The following URB1 variants were observed in gnomAD, a reference collection of about 807,000 sequenced individuals.
URB1 encodes the protein nucleolar pre-ribosomal-associated protein 1.
Under a neutral mutation model 242.3 loss-of-function variants are expected in URB1, and 197 were observed. The ratio of observed to expected loss-of-function variants is 0.81; its 90% CI spans 0.72 to 0.91. URB1 has a LOEUF of 0.91. URB1 is among the 40% of genes least tolerant of loss of function. The pLI is 0.00. For missense variants in URB1, 2,721 were observed against 2,860.5 expected (o/e 0.95, Z 1.11); for synonymous variants, 1,153 against 1,201.8 (o/e 0.96, Z 0.84).
In URB1 at chr21:32,373,667, C is replaced by T. The variant is rs751949591; in HGVS notation, c.856G>A (p.Val286Met). 3 of 1,539,810 alleles carry T rather than the reference C, an allele frequency of 1.9e-6. No homozygotes were observed. The highest frequency in any genetic ancestry group is 2.5e-5 in the South Asian group (2 of 81,234). The change falls in exon 7 of 39, where the codon GTG (valine) becomes ATG (methionine). Residue 286 changes from valine (V) to methionine (M), a missense_variant. Physicochemically the swap from Val to Met is conservative, Grantham distance 21. Transcript: ENST00000382751. ...SLYNWNGITDVNPENVKVSAE... is the reference protein window; with the variant it reads ...SLYNWNGITDMNPENVKVSAE... Reference sequence around the variant, plus strand: ...TGCACCTTGACATTTTCTGGGTTCACATCGGTAATCCCATTCCAGTTGTAC... The same window carrying T: ...TGCACCTTGACATTTTCTGGGTTCATATCGGTAATCCCATTCCAGTTGTAC...
chr21:32,354,886 T>C lies in URB1; in HGVS notation c.2218A>G (p.Met740Val), dbSNP rs2033201521. ...TCAATGTGGGAGATGGGAATGCTCA[T>C]GTCATCGGCTTCTTGCTTCGTCATA... ...ATMTKQEADD[M>V]SIPISHIDDV... The change falls in exon 17 of 39, where the codon ATG becomes GTG. Residue 740 changes from methionine (M) to valine (V), a missense_variant. Transcript: ENST00000382751. The C allele has an allele frequency of 6.4e-7, 1 of 1,552,306 alleles. No homozygotes were observed. The highest frequency in any genetic ancestry group is 8.7e-7 in the Non-Finnish European group (1 of 1,147,162).
At chr21:32,323,660 CACTT>C (rs1486829112) in intron 32 of URB1, among the ~76,000 whole-genome samples, 1 of 152,156 alleles carries the variant, frequency 6.6e-6, no homozygotes, top group East Asian at 1.9e-4. Flanking sequence ...CTGTGCCAGG[CACTT>C]ACATGTGTGT....
intron 28 of URB1, among the ~76,000 whole-genome samples, chr21:32,334,605 A>G (rs1200647980): frequency 1.3e-5 from 2 of 152,142 alleles, no homozygotes; most frequent in East Asian, 3.9e-4. Flanking sequence ...ATGTAGATCA[A>G]TTCACTCAAT....
chr21:32,366,625 G>C lies in URB1; in HGVS notation c.1328C>G (p.Ala443Gly). ...GCAACCACATGGCCTTACGTTTAAT[G>C]CTTGGGTGAACATGCTCTTATTGCA... is the stretch of plus-strand genomic sequence containing the variant. The part of the protein sequence containing the change: ...LVCNKSMFTQ[A>G]LNLDSTSVRH... The change falls in exon 10 of 39, where the codon GCA becomes GGA. Residue 443 changes from alanine (A) to glycine (G), a missense_variant. Coordinates refer to ENST00000382751, the MANE Select transcript of URB1 (RefSeq NM_014825.3). 4 of 1,551,448 alleles carry C rather than the reference G, an allele frequency of 2.6e-6. No homozygotes were observed. Among genetic ancestry groups the C allele is most frequent in the African/African-American group, 1.4e-5 (1 of 73,152 alleles).
In URB1 at chr21:32,312,437, C is replaced by A. The variant is rs2032604725; in HGVS notation, c.*2481G>T. On this transcript the variant is annotated 3_prime_UTR_variant, in exon 39 of 39. Coordinates refer to ENST00000382751, the MANE Select transcript of URB1 (RefSeq NM_014825.3). ...CTCCACTAACACCCGCCGGCTCCCC[C>A]AGATGTGATGGCATCTGCCCTGCCA... The A allele has an allele frequency of 1.1e-5, 7 of 652,186 alleles. No homozygotes were observed. The highest frequency in any genetic ancestry group is 6.6e-4 in the Middle Eastern group (1 of 1,512). 40.4% of individuals were successfully genotyped at this position (652,186 alleles called of 1,614,324 possible).
At chr21:32,379,902 C>T (rs1204966236) in intron 4 of URB1, among the ~76,000 whole-genome samples, 1 of 151,786 alleles carries the variant, frequency 6.6e-6, no homozygotes, top group African/African-American at 2.4e-5. Context: ...AGACTTAAGC[C>T]CGGGAGGCAG....
In URB1 at chr21:32,363,322, C is replaced by T. The variant is rs1211257224; in HGVS notation, c.1343G>A (p.Ser448Asn). ...TAAGGCTGTGTGCCTCACTGAGGTG[C>T]TGTCCAACTGGGAAGAAAAAGAGTT... is the stretch of plus-strand genomic sequence containing the variant. ...SMFTQALNLD[S>N]TSVRHTALSL... The change falls in exon 11 of 39, where the codon AGC becomes AAC. Residue 448 changes from serine to asparagine, a missense_variant. Physicochemically the swap from Ser to Asn is conservative, Grantham distance 46. Coordinates refer to ENST00000382751, the MANE Select transcript of URB1 (RefSeq NM_014825.3). The T allele has an allele frequency of 1.0e-5, 16 of 1,551,048 alleles. No individual in the cohort carries two copies. Among genetic ancestry groups the T allele is most frequent in the Middle Eastern group, 1.7e-4 (1 of 6,014 alleles).
At position 32,347,703 on chromosome 21, in the gene URB1, C is replaced by T. The variant is rs1011666507; in HGVS notation, c.3121G>A (p.Val1041Met). The stretch of plus-strand genomic sequence containing the variant: ...CTAAAGTGGGTGGCCAGGAGCTTCA[C>T]GAGGACAGGGCTGAGCGTGTGCGGC... ...LPPHTLSPVL[V>M]KLLATHFSAG... The change falls in exon 22 of 39, where the codon GTG becomes ATG. Residue 1041 changes from valine (V) to methionine (M), a missense_variant. Coordinates refer to ENST00000382751, the MANE Select transcript of URB1 (RefSeq NM_014825.3). 17 of 1,551,254 alleles carry T rather than the reference C, an allele frequency of 1.1e-5. No individual in the cohort carries two copies. Among genetic ancestry groups the T allele is most frequent in the South Asian group, 3.6e-5 (3 of 84,062 alleles).
intron 10 of URB1, 120 bp downstream of exon 10, chr21:32,366,498 G>C: frequency 7.1e-7 from 1 of 1,399,676 alleles, no homozygotes; most frequent in South Asian, 1.4e-5. Flanking sequence ...GGAAGCCTCC[G>C]AGGCCCCCTG....
intron 28 of URB1, 80 bp downstream of exon 28, chr21:32,337,014 A>G (rs933703956): frequency 1.4e-6 from 2 of 1,391,188 alleles, no homozygotes; most frequent in African/African-American, 1.4e-5. Flanking sequence ...GGAATGAGAG[A>G]AAATCTCGAG....
chr21:32,354,967 A>G lies in URB1; in HGVS notation c.2137T>C (p.Ser713Pro), dbSNP rs2033202626. 6.4e-7 allele frequency: 1 copy of G among 1,551,704 alleles called. No individual in the cohort carries two copies. The highest frequency in any genetic ancestry group is 1.4e-5 in the African/African-American group (1 of 73,042). The part of the protein sequence containing the change: ...ILLTLVANPY[S>P]YTDKASDFVQ... Reference sequence around the variant, plus strand: ...AAGTCAGATGCTTTGTCTGTGTATGAATAGGGATTCGCCACCAATGTCAAT... The same window carrying G: ...AAGTCAGATGCTTTGTCTGTGTATGGATAGGGATTCGCCACCAATGTCAAT... Residue 713 changes from serine (S) to proline (P), a missense_variant, in exon 17 of 39, where the codon TCA becomes CCA. Transcript: ENST00000382751.
At chr21:32,355,070 T>G in intron 16 of URB1, 73 bp from the exon 17 acceptor site, 1 of 1,476,016 alleles carries the variant, frequency 6.8e-7, no homozygotes, top group Non-Finnish European at 9.1e-7. Context: ...AAAATGTCAC[T>G]GGTCAAAATC....
intron 30 of URB1, among the ~76,000 whole-genome samples, chr21:32,332,169 C>CA (rs796709232): frequency 3.9e-5 from 6 of 152,220 alleles, no homozygotes; most frequent in African/African-American, 1.4e-4. Flanking sequence ...AAAGTGAGCT[C>CA]AAAACAGATC....
At chr21:32,350,566 G>A in intron 20 of URB1, 138 bp downstream of exon 20, 1 of 1,020,292 alleles carries the variant, frequency 9.8e-7, no homozygotes, top group Non-Finnish European at 1.4e-6. Flanking sequence ...CTGAGGTCTG[G>A]ACAGAACAGC....
rs770165944 is a variant in URB1 at position 32,383,517 on chromosome 21, C to T, written c.472G>A (p.Val158Met). 7 of 1,551,454 alleles carry T rather than the reference C, an allele frequency of 4.5e-6. No individual in the cohort carries two copies. The highest frequency in any genetic ancestry group is 1.4e-5 in the African/African-American group (1 of 72,998). The change falls in exon 4 of 39, where the codon GTG becomes ATG. Residue 158 changes from valine (V) to methionine (M), a missense_variant. Coordinates refer to ENST00000382751, the MANE Select transcript of URB1 (RefSeq NM_014825.3). ...RACLSLMTAM[V>M]TQGPEAARDV... ...CTGGCAGCTTCCGGACCCTGGGTCACCATGGCGGTCATCAGGCTCAGGCAG... is the reference window on the plus strand; with the variant it reads ...CTGGCAGCTTCCGGACCCTGGGTCATCATGGCGGTCATCAGGCTCAGGCAG...
chr21:32,312,304 T>A lies in URB1; in HGVS notation c.*2614A>T. On this transcript the variant is annotated 3_prime_UTR_variant, in exon 39 of 39. Transcript: ENST00000382751. ...TCAAGAGGAAAAGCTGTTTGCTTACTAATCTTTACTATGCCACTTTACCAT... is the reference window on the plus strand; with the variant it reads ...TCAAGAGGAAAAGCTGTTTGCTTACAAATCTTTACTATGCCACTTTACCAT... The A allele has an allele frequency of 1.5e-6, 2 of 1,315,152 alleles. No individual in the cohort carries two copies. Among genetic ancestry groups the A allele is most frequent in the Non-Finnish European group, 2.0e-6 (2 of 1,024,412 alleles). 81.5% of individuals were successfully genotyped at this position (1,315,152 alleles called of 1,614,324 possible).
In URB1 at chr21:32,320,524, T is replaced by C. The variant is rs1043073616; in HGVS notation, c.5594+7A>G. On this transcript the variant is annotated splice_region_variant and intron_variant, in intron 35 of 38. Coordinates refer to ENST00000382751, the MANE Select transcript of URB1 (RefSeq NM_014825.3). ...TGACGCGCACCTCGCATGCAAAAGG[T>C]ACTTACTTGCTTTCAAGGATGTGTA... 1 of 1,543,240 alleles carries C rather than the reference T, an allele frequency of 6.5e-7. No homozygotes were observed. Among genetic ancestry groups the C allele is most frequent in the Non-Finnish European group, 8.8e-7 (1 of 1,139,630 alleles).
At chr21:32,377,255 G>C (rs1283736464) in intron 5 of URB1, 1 of 518,760 alleles carries the variant, frequency 1.9e-6, no homozygotes, top group East Asian at 5.5e-5. Flanking sequence ...CAGGGCTACA[G>C]TTTGCTCTGG....
At position 32,314,527 on chromosome 21, in the gene URB1, A is replaced by G. The variant is rs1568804520; in HGVS notation, c.*391T>C. ...ATCTCTCTTCGTTTTCATAAAAAAA[A>G]TCTGATACCTTTTGACATTTCAGCT... On this transcript the variant is annotated 3_prime_UTR_variant, in exon 39 of 39. Coordinates refer to ENST00000382751, the MANE Select transcript of URB1 (RefSeq NM_014825.3). The G allele has an allele frequency of 6.2e-7, 1 of 1,604,378 alleles. No homozygotes were observed. Among genetic ancestry groups the G allele is most frequent in the Non-Finnish European group, 8.5e-7 (1 of 1,171,148 alleles).
Sources: gnomAD v4.1 joint callset for allele counts (sites outside exome capture counted in the v4.1 genomes callset) on GRCh38, gnomAD v4.1.1 for gene constraint, MANE v1.5 for transcripts, NCBI Gene and HGNC (gene_info 2026-07-23, HGNC 2026-07-21) for gene names.